The following HSF2BP variants were observed in gnomAD, a reference collection of about 807,000 sequenced individuals.
HSF2BP encodes the protein heat shock transcription factor 2 binding protein.
A neutral mutation model predicts 35.0 loss-of-function variants in HSF2BP; 35 were observed. That is an observed-to-expected ratio of 1.00 (90% CI 0.76 to 1.32). The LOEUF is 1.32. Among genes scored for constraint, HSF2BP ranks in the 40% most tolerant of loss-of-function variants. HSF2BP has a pLI of 0.00. For missense variants in HSF2BP, 326 were observed against 321.7 expected (o/e 1.01, Z -0.10); for synonymous variants, 114 against 117.4 (o/e 0.97, Z 0.18).
chr21:43,580,370 C>CAT (rs1218019805), intron 8 of HSF2BP, among the ~76,000 whole-genome samples: 2 of 152,192 alleles, frequency 1.3e-5, no homozygotes, highest in Admixed American at 1.3e-4. Flanking sequence ...TCAGACTGGA[C>CAT]ATATGCAGGC....
intron 3 of HSF2BP, among the ~76,000 whole-genome samples, chr21:43,648,142 T>C (rs1417260277): frequency 6.6e-6 from 1 of 151,978 alleles, no homozygotes; most frequent in African/African-American, 2.4e-5. Context: ...GTCCATAAGC[T>C]CCCCAAGTGT....
At chr21:43,655,008 G>C (rs1270673228) in intron 3 of HSF2BP, among the ~76,000 whole-genome samples, 1 of 152,208 alleles carries the variant, frequency 6.6e-6, no homozygotes, top group East Asian at 1.9e-4. Context: ...ATCTCCCAAA[G>C]GCAGACTGTG....
chr21:43,626,891 G>A (rs940796844), intron 6 of HSF2BP, among the ~76,000 whole-genome samples: 2 of 150,482 alleles, frequency 1.3e-5, no homozygotes, highest in South Asian at 2.1e-4. Context: ...TTTAAGAGAC[G>A]GAGTCTTGCT....
intron 4 of HSF2BP, among the ~76,000 whole-genome samples, chr21:43,641,221 G>C (rs920262440): frequency 6.6e-6 from 1 of 151,954 alleles, no homozygotes; most frequent in Admixed American, 6.6e-5. Flanking sequence ...GAATGGTCTC[G>C]ATCTCCTGAC....
intron 8 of HSF2BP, among the ~76,000 whole-genome samples, chr21:43,587,749 C>T (rs900919738): frequency 6.6e-5 from 10 of 151,454 alleles, no homozygotes; most frequent in Non-Finnish European, 1.2e-4. Flanking sequence ...TTAACAAGCA[C>T]CTCATATTAT....
intron 4 of HSF2BP, among the ~76,000 whole-genome samples, chr21:43,639,770 A>G (rs539573476): frequency 1.3e-5 from 2 of 152,324 alleles, no homozygotes; most frequent in East Asian, 3.9e-4. Flanking sequence ...CAACCCAGTA[A>G]TTGTACTCTC....
At chr21:43,619,938 C>T (rs1046384395) in intron 6 of HSF2BP, among the ~76,000 whole-genome samples, 22 of 152,184 alleles carry the variant, frequency 1.4e-4, no homozygotes, top group Admixed American at 9.2e-4. Flanking sequence ...CCCACACTGC[C>T]GGGTTATCCT....
intron 3 of HSF2BP, among the ~76,000 whole-genome samples, chr21:43,649,570 AT>A (rs1225858951): frequency 1.3e-5 from 2 of 152,332 alleles, no homozygotes; most frequent in Non-Finnish European, 2.9e-5. Flanking sequence ...ATATAAACAA[AT>A]TTTAAAAGGT....
chr21:43,637,226 T>C (rs1213737437), intron 4 of HSF2BP, among the ~76,000 whole-genome samples: 1 of 152,164 alleles, frequency 6.6e-6, no homozygotes, highest in Non-Finnish European at 1.5e-5. Flanking sequence ...GGAATATTGT[T>C]TTGCAATAAA....
intron 4 of HSF2BP, among the ~76,000 whole-genome samples, 199 bp from the exon 5 acceptor site, chr21:43,633,620 A>G (rs989784543): frequency 6.6e-6 from 1 of 152,242 alleles, no homozygotes; most frequent in East Asian, 1.9e-4. Context: ...TATTTGAGAA[A>G]TATCTGAGGA....
At chr21:43,647,486 C>A (rs2082724050) in intron 3 of HSF2BP, among the ~76,000 whole-genome samples, 1 of 152,152 alleles carries the variant, frequency 6.6e-6, no homozygotes, top group Non-Finnish European at 1.5e-5. Context: ...CCATCTTGGC[C>A]TCCCAAAGTG....
At chr21:43,636,260 AAAGAAAAG>A (rs2082556717) in intron 4 of HSF2BP, among the ~76,000 whole-genome samples, 2 of 128,472 alleles carry the variant, frequency 1.6e-5, no homozygotes, top group African/African-American at 2.9e-5. Flanking sequence ...AAAGAAAAGA[AAAGAAAAG>A]AAAAAACGAA....
At chr21:43,602,372 A>G (rs1353622962) in intron 7 of HSF2BP, among the ~76,000 whole-genome samples, 1 of 152,244 alleles carries the variant, frequency 6.6e-6, no homozygotes, top group Non-Finnish European at 1.5e-5. Context: ...CTGCAGATGC[A>G]GCCACACAGC....
chr21:43,582,516 A>T (rs1209177415), intron 8 of HSF2BP, among the ~76,000 whole-genome samples: 2 of 90,842 alleles, frequency 2.2e-5, no homozygotes, highest in Non-Finnish European at 4.3e-5. Context: ...GCTGAGGGAG[A>T]TGAAGGGCCT....
intron 3 of HSF2BP, among the ~76,000 whole-genome samples, chr21:43,655,258 A>C (rs7281799): frequency 0.013 from 1,953 of 152,354 alleles, 41 homozygotes; most frequent in African/African-American, 0.043. Context: ...CTAATCTCAG[A>C]AAGTTGCTGG....
intron 4 of HSF2BP, among the ~76,000 whole-genome samples, chr21:43,638,161 T>C (rs1026875425): frequency 1.3e-5 from 2 of 151,564 alleles, no homozygotes; most frequent in Admixed American, 6.6e-5. Context: ...TCAAAAAGAG[T>C]TCAGAAAGAC....
intron 4 of HSF2BP, among the ~76,000 whole-genome samples, chr21:43,638,099 A>T (rs906976339): frequency 2.6e-5 from 4 of 152,190 alleles, no homozygotes; most frequent in African/African-American, 9.7e-5. Context: ...TTCAGATGAC[A>T]TGATTGTCCA....
At chr21:43,652,029 C>T (rs2082793634) in intron 3 of HSF2BP, among the ~76,000 whole-genome samples, 1 of 152,218 alleles carries the variant, frequency 6.6e-6, no homozygotes, top group Admixed American at 6.5e-5. Context: ...ACTATATCCA[C>T]ACTCTAAAAG....
rs942335604 is a variant in HSF2BP at position 43,584,266 on chromosome 21, T to G, written c.796+7959A>C. ...GATGAGGGAGTCCCAATATCTGCAGTCCATGCACTGGAGACTCTGGACAGC... is the reference window on the plus strand; with the variant it reads ...GATGAGGGAGTCCCAATATCTGCAGGCCATGCACTGGAGACTCTGGACAGC... On this transcript the variant is annotated intron_variant, in intron 8 of 8. Coordinates refer to ENST00000291560, the MANE Select transcript of HSF2BP (RefSeq NM_007031.2). Among the ~76,000 whole-genome samples, 3 of 152,192 alleles carry G rather than the reference T, an allele frequency of 2.0e-5. No homozygotes were observed. In the East Asian group the frequency reaches 5.8e-4, roughly 29 times the overall value.
Sources: allele counts gnomAD v4.1 joint callset (sites outside exome capture counted in the v4.1 genomes callset), GRCh38; gene constraint gnomAD v4.1.1; transcripts MANE v1.5; gene names NCBI Gene and HGNC (gene_info 2026-07-23, HGNC 2026-07-21).